Variants in SLC71A2 observed in about 807,000 individuals in gnomAD.
The protein encoded by SLC71A2 is hippocampus abundant transcript-like 1.
At chr9:94,441,024 G>C in the SLC71A2 span, 1 of 1,610,916 alleles carries the variant, frequency 6.2e-7, no homozygotes. Context: ...GAGTCTTCTC[G>C]GTCACGTTTT....
At chr9:94,436,789 G>T in the SLC71A2 span, among the ~76,000 whole-genome samples, 30 of 152,144 alleles carry the variant, frequency 2.0e-4, no homozygotes, top group Non-Finnish European at 2.9e-5. Context: ...CCAATTATGT[G>T]AACGTGGAGA....
the SLC71A2 span, chr9:94,445,044 C>T: frequency 1.5e-5 from 25 of 1,614,048 alleles, no homozygotes; most frequent in East Asian, 6.7e-5. Flanking sequence ...GAGACAGCCT[C>T]GTTGTGCTGG....
At chr9:94,448,593 A>G in the SLC71A2 span, among the ~76,000 whole-genome samples, 1 of 152,190 alleles carries the variant, frequency 6.6e-6, no homozygotes, top group African/African-American at 2.4e-5. Flanking sequence ...TCCTGAGGGT[A>G]TGGGACTAAT....
At chr9:94,410,932 A>G in the SLC71A2 span, among the ~76,000 whole-genome samples, 1 of 152,100 alleles carries the variant, frequency 6.6e-6, no homozygotes, top group African/African-American at 2.4e-5. Context: ...CGCCTGGCCA[A>G]TTTTTGTATT....
the SLC71A2 span, chr9:94,456,100 T>A: frequency 3.6e-6 from 2 of 562,048 alleles, no homozygotes; most frequent in Non-Finnish European, 3.1e-6. Context: ...AAAAAAAAAA[T>A]GCATTTTTAA....
At chr9:94,460,070 T>G in the SLC71A2 span, 1 of 152,442 alleles carries the variant, frequency 6.6e-6, no homozygotes, top group Non-Finnish European at 1.5e-5. Flanking sequence ...GAAAGAAATT[T>G]TCATTACAAA....
chr9:94,416,489 G>C, the SLC71A2 span, among the ~76,000 whole-genome samples: 53 of 152,318 alleles, frequency 3.5e-4, 1 homozygote, highest in East Asian at 4.8e-3. Context: ...GAGGGTGGCT[G>C]TTAGCCCGTT....
the SLC71A2 span, among the ~76,000 whole-genome samples, chr9:94,449,567 C>T: frequency 6.6e-6 from 1 of 152,168 alleles, no homozygotes; most frequent in East Asian, 1.9e-4. Flanking sequence ...TCTAGGATGG[C>T]TATCAAAAAG....
chr9:94,456,433 A>C, the SLC71A2 span: 2 of 894,244 alleles, frequency 2.2e-6, no homozygotes, highest in East Asian at 4.9e-5. Context: ...CAACAGCAGG[A>C]GCCGACAGCC....
the SLC71A2 span, chr9:94,446,751 C>T: frequency 1.3e-6 from 1 of 745,134 alleles, no homozygotes; most frequent in African/African-American, 1.8e-5. Context: ...AATAATGAAG[C>T]TGATGTCCCA....
the SLC71A2 span, among the ~76,000 whole-genome samples, chr9:94,442,489 G>C: frequency 6.6e-6 from 1 of 152,118 alleles, no homozygotes. Context: ...TGATGGAGGA[G>C]GACAAAGATA....
chr9:94,428,539 T>C, the SLC71A2 span, among the ~76,000 whole-genome samples: 1 of 151,126 alleles, frequency 6.6e-6, no homozygotes, highest in African/African-American at 2.4e-5. Flanking sequence ...CACAGCAAAA[T>C]TGAGAGGAAG....
chr9:94,458,482 C>T, the SLC71A2 span: 1 of 1,611,592 alleles, frequency 6.2e-7, no homozygotes, highest in Non-Finnish European at 8.5e-7. Flanking sequence ...GGTCATAAGT[C>T]TAGTTTTGTA....
chr9:94,397,760 T>C, the SLC71A2 span, among the ~76,000 whole-genome samples: 1 of 152,150 alleles, frequency 6.6e-6, no homozygotes, highest in African/African-American at 2.4e-5. Context: ...AATCTTGTTG[T>C]TTTTCTCATG....
chr9:94,403,578 A>G, the SLC71A2 span, among the ~76,000 whole-genome samples: 3 of 151,814 alleles, frequency 2.0e-5, no homozygotes, highest in Non-Finnish European at 4.4e-5. Flanking sequence ...TCATAAGTTG[A>G]ACACTTGGGT....
the SLC71A2 span, among the ~76,000 whole-genome samples, chr9:94,433,945 C>T: frequency 2.0e-5 from 3 of 152,160 alleles, no homozygotes; most frequent in African/African-American, 4.8e-5. Flanking sequence ...CTACCTTCTA[C>T]TTCCATAAAT....
chr9:94,408,803 CCCTTT>C, the SLC71A2 span, among the ~76,000 whole-genome samples: 1 of 133,336 alleles, frequency 7.5e-6, no homozygotes, highest in Non-Finnish European at 1.6e-5. Context: ...ATTTTCTCTT[CCCTTT>C]CCTTTTTCTG....
At chr9:94,456,875 A>C in the SLC71A2 span, among the ~76,000 whole-genome samples, 2 of 152,154 alleles carry the variant, frequency 1.3e-5, no homozygotes, top group Admixed American at 1.3e-4. Context: ...ATCTAGATCC[A>C]TATCCCATCC....
the SLC71A2 span, among the ~76,000 whole-genome samples, chr9:94,389,339 C>T: frequency 2.6e-5 from 4 of 151,218 alleles, no homozygotes; most frequent in Admixed American, 6.6e-5. Context: ...GATCTCAGCT[C>T]GCTGCAACCT....
Sources: gnomAD v4.1 joint callset for allele counts (sites outside exome capture counted in the v4.1 genomes callset) on GRCh38, gnomAD v4.1.1 for gene constraint, MANE v1.5 for transcripts, NCBI Gene and HGNC (gene_info 2026-07-23, HGNC 2026-07-21) for gene names.